The following LARGE1 variants were observed in gnomAD, a reference collection of about 807,000 sequenced individuals.
LARGE1 encodes xylosyl- and glucuronyltransferase LARGE1.
In LARGE1, 43 loss-of-function variants were observed where a neutral mutation model predicts 87.6. The ratio of observed to expected loss-of-function variants is 0.49; its 90% CI spans 0.38 to 0.63. The LOEUF is 0.63. Ranked by LOEUF, LARGE1 falls within the 30% of genes least tolerant of loss-of-function variation. The pLI is 0.00. For missense variants in LARGE1, 802 were observed against 1,000.2 expected, an observed-to-expected ratio of 0.80 and a Z score of 2.67; for synonymous variants, 434 against 394.6, an observed-to-expected ratio of 1.10 and a Z score of -1.18.
At chr22:33,416,571 C>A (rs1245567419) in intron 7 of LARGE1, among the ~76,000 whole-genome samples, 4 of 151,996 alleles carry the variant, frequency 2.6e-5, no homozygotes, top group East Asian at 1.9e-4. Context: ...GCGGGGGAGG[C>A]AATGGTGGTG....
intron 4 of LARGE1, among the ~76,000 whole-genome samples, chr22:33,613,373 C>T (rs767886292): frequency 3.9e-5 from 6 of 152,254 alleles, no homozygotes; most frequent in African/African-American, 9.6e-5. Flanking sequence ...CTGTGTAAGC[C>T]GAAATAGTTC....
At chr22:33,257,205 C>G (rs979995122) in intron 11 of LARGE1, among the ~76,000 whole-genome samples, 11 of 151,924 alleles carry the variant, frequency 7.2e-5, no homozygotes, top group African/African-American at 2.7e-4. Context: ...AACTCCGTCT[C>G]AAAAATAAAC....
chr22:33,334,366 G>A (rs189760836), intron 10 of LARGE1, among the ~76,000 whole-genome samples: 8 of 145,124 alleles, frequency 5.5e-5, no homozygotes, highest in South Asian at 2.2e-4. Flanking sequence ...AGCTGAGATC[G>A]CGCCACTGCA....
chr22:33,555,691 G>C (rs548475272), intron 6 of LARGE1, among the ~76,000 whole-genome samples: 40 of 152,226 alleles, frequency 2.6e-4, no homozygotes, highest in African/African-American at 9.6e-4. Flanking sequence ...CACTTTGGGT[G>C]GCCGAGACAG....
intron 9 of LARGE1, among the ~76,000 whole-genome samples, chr22:33,343,351 C>T (rs946491319): frequency 2.6e-5 from 4 of 152,118 alleles, no homozygotes; most frequent in Non-Finnish European, 5.9e-5. Flanking sequence ...AACTCCTAAA[C>T]TGAAGTGAGC....
intron 2 of LARGE1, chr22:33,737,816 T>C (rs2083711836): frequency 6.6e-6 from 1 of 152,022 alleles, no homozygotes. Context: ...TCTAGGGAGA[T>C]GGGGCTGGGT....
At chr22:33,586,711 C>T (rs1299655599) in intron 5 of LARGE1, among the ~76,000 whole-genome samples, 1 of 152,198 alleles carries the variant, frequency 6.6e-6, no homozygotes. Context: ...TCCGCCTCAG[C>T]CTCCCGAAGT....
the LARGE1 span, among the ~76,000 whole-genome samples, chr22:33,156,703 A>G: frequency 6.6e-6 from 1 of 152,106 alleles, no homozygotes; most frequent in African/African-American, 2.4e-5. Flanking sequence ...ACTTTGGGGA[A>G]ATATTGGGAA....
chr22:33,253,057 G>A (rs772378344), intron 11 of LARGE1, among the ~76,000 whole-genome samples: 1 of 152,080 alleles, frequency 6.6e-6, no homozygotes, highest in Non-Finnish European at 1.5e-5. Flanking sequence ...GAATGTAACT[G>A]GATTATACAG....
intron 1 of LARGE1, among the ~76,000 whole-genome samples, chr22:33,907,286 AATAC>A (rs749885305): frequency 1.1e-3 from 172 of 152,314 alleles, no homozygotes; most frequent in Middle Eastern, 3.4e-3. Context: ...GGACCTCACG[AATAC>A]TAGAGGCAAT....
At chr22:33,254,690 G>A (rs1927170459) in intron 11 of LARGE1, among the ~76,000 whole-genome samples, 1 of 152,176 alleles carries the variant, frequency 6.6e-6, no homozygotes, top group African/African-American at 2.4e-5. Context: ...CTGCCTCACT[G>A]GGTTGCTAGA....
chr22:33,670,000 G>T (rs752140446), intron 2 of LARGE1, among the ~76,000 whole-genome samples: 10 of 152,106 alleles, frequency 6.6e-5, no homozygotes, highest in Non-Finnish European at 1.3e-4. Flanking sequence ...ATGTGAGGTC[G>T]CAGGATGCAA....
intron 6 of LARGE1, among the ~76,000 whole-genome samples, chr22:33,441,071 CTTTTTTTT>C (rs35976426): frequency 2.0e-5 from 2 of 98,556 alleles, no homozygotes; most frequent in African/African-American, 4.9e-5. Context: ...TTTGTTTGAA[CTTTTTTTT>C]TTTTTTTTTT....
At chr22:33,774,093 G>A (rs1388581328) in intron 1 of LARGE1, among the ~76,000 whole-genome samples, 3 of 145,760 alleles carry the variant, frequency 2.1e-5, no homozygotes, top group Non-Finnish European at 3.0e-5. Flanking sequence ...GGGTGGAGGG[G>A]CGGATGGAAA....
At chr22:33,751,772 C>CTT (rs559675510) in intron 2 of LARGE1, among the ~76,000 whole-genome samples, 1 of 143,988 alleles carries the variant, frequency 6.9e-6, no homozygotes, top group South Asian at 2.2e-4. Flanking sequence ...TGCCACTATT[C>CTT]TTTTTTTTTT....
rs557362790 is a variant in LARGE1 at position 33,290,402 on chromosome 22, T to C, written c.1731-7054A>G. Among the ~76,000 whole-genome samples, 3 of 152,272 alleles carry C rather than the reference T, an allele frequency of 2.0e-5. No individual in the cohort carries two copies. The East Asian group carries it at 5.8e-4, about 29-fold the overall frequency. On this transcript the variant is annotated intron_variant, in intron 12 of 14. Transcript: ENST00000397394. ...GCATCCTGGCTAACTACTTAATTAATCTCTTGGTTCTGCAATTTCCGTATC... is the reference window on the plus strand; with the variant it reads ...GCATCCTGGCTAACTACTTAATTAACCTCTTGGTTCTGCAATTTCCGTATC...
chr22:33,116,118 A>T, the LARGE1 span: 1 of 152,256 alleles, frequency 6.6e-6, no homozygotes, highest in African/African-American at 2.4e-5. Context: ...AAAGGTGGAC[A>T]TCGACGAGGG....
chr22:33,089,368 T>TCTTCTTCTTCTTCTC, the LARGE1 span, among the ~76,000 whole-genome samples: 6 of 78,208 alleles, frequency 7.7e-5, no homozygotes, highest in Non-Finnish European at 1.6e-4. Flanking sequence ...TTCTTCTTCT[T>TCTTCTTCTTCTTCTC]CTCCTTCTTC....
chr22:33,763,833 G>C (rs1235299454), intron 1 of LARGE1, among the ~76,000 whole-genome samples: 2 of 117,592 alleles, frequency 1.7e-5, no homozygotes, highest in Admixed American at 9.8e-5. Context: ...GCCTTAATTA[G>C]TTTGCTTTTT....
Sources: gnomAD v4.1 joint callset for allele counts (sites outside exome capture counted in the v4.1 genomes callset) on GRCh38, gnomAD v4.1.1 for gene constraint, MANE v1.5 for transcripts, NCBI Gene and HGNC (gene_info 2026-07-23, HGNC 2026-07-21) for gene names.